Variants in CNTN4 observed in about 807,000 individuals in gnomAD.
CNTN4 encodes contactin 4, also known as contactin-4.
In CNTN4, 77 loss-of-function variants were observed where a neutral mutation model predicts 122.5. The observed-to-expected ratio is 0.63, with a 90% CI of 0.52 to 0.76. CNTN4 has a LOEUF of 0.76. CNTN4 is among the 30% of genes least tolerant of loss of function. CNTN4 has a pLI of 0.00. For synonymous variants in CNTN4, 512 were observed against 447.0 expected (o/e 1.15, Z -1.83); for missense variants, 1,256 against 1,259.1 (o/e 1.00, Z 0.04).
intron 13 of CNTN4, among the ~76,000 whole-genome samples, chr3:2,978,024 C>G (rs1293947431): frequency 1.3e-5 from 2 of 152,170 alleles, no homozygotes; most frequent in South Asian, 4.1e-4. Context: ...CCGCCAGAAG[C>G]TGGGAGTGAA....
chr3:2,390,614 T>G (rs1022291819), intron 3 of CNTN4, among the ~76,000 whole-genome samples: 1 of 152,204 alleles, frequency 6.6e-6, no homozygotes, highest in African/African-American at 2.4e-5. Context: ...GGTTCCACTT[T>G]TAGAATAACA....
chr3:2,655,435 C>G (rs1308698606), intron 4 of CNTN4, among the ~76,000 whole-genome samples: 1 of 152,136 alleles, frequency 6.6e-6, no homozygotes, highest in African/African-American at 2.4e-5. Context: ...GTGAAAGTTT[C>G]TCTGCTGTTC....
At chr3:2,352,326 T>G (rs1446630899) in intron 3 of CNTN4, among the ~76,000 whole-genome samples, 1 of 152,168 alleles carries the variant, frequency 6.6e-6, no homozygotes, top group Non-Finnish European at 1.5e-5. Context: ...GCCGCTGCAC[T>G]GTGGGAGCCC....
At chr3:2,137,086 A>C (rs911360659) in intron 2 of CNTN4, among the ~76,000 whole-genome samples, 2 of 152,188 alleles carry the variant, frequency 1.3e-5, no homozygotes, top group African/African-American at 2.4e-5. Flanking sequence ...AATCGTGTAG[A>C]TCACACTTTA....
chr3:2,638,480 A>G (rs1306242007), intron 4 of CNTN4, among the ~76,000 whole-genome samples: 1 of 152,000 alleles, frequency 6.6e-6, no homozygotes, highest in Non-Finnish European at 1.5e-5. Flanking sequence ...TCTGTAATGA[A>G]GAAACATTTA....
intron 12 of CNTN4, among the ~76,000 whole-genome samples, chr3:2,917,606 G>C (rs1294223353): frequency 5.3e-5 from 8 of 152,156 alleles, no homozygotes; most frequent in Non-Finnish European, 1.0e-4. Context: ...CTGTCTTGTA[G>C]TGGATGGAGT....
intron 3 of CNTN4, among the ~76,000 whole-genome samples, chr3:2,438,258 G>A (rs2048322442): frequency 6.6e-6 from 1 of 152,128 alleles, no homozygotes; most frequent in Non-Finnish European, 1.5e-5. Flanking sequence ...GGTTGCTCAC[G>A]CTAGTAATCC....
At chr3:2,101,399 C>T (rs1203540827) in intron 2 of CNTN4, among the ~76,000 whole-genome samples, 1 of 152,106 alleles carries the variant, frequency 6.6e-6, no homozygotes, top group Non-Finnish European at 1.5e-5. Context: ...CTTGTTGTTT[C>T]TTCTTTGTTA....
intron 3 of CNTN4, among the ~76,000 whole-genome samples, chr3:2,384,939 C>T (rs188408736): frequency 2.6e-4 from 40 of 151,860 alleles, no homozygotes; most frequent in African/African-American, 7.3e-4. Context: ...TTCATATAGC[C>T]CCTTCTACAG....
intron 3 of CNTN4, among the ~76,000 whole-genome samples, chr3:2,340,713 A>AGAGAGAGAGAGGGAGG (rs1400137067): frequency 1.6e-5 from 2 of 124,108 alleles, no homozygotes; most frequent in African/African-American, 3.1e-5. Context: ...ATATATATAG[A>AGAGAGAGAGAGGGAGG]GAGAGAGAGA....
intron 5 of CNTN4, among the ~76,000 whole-genome samples, chr3:2,743,243 T>C (rs2089562162): frequency 6.6e-6 from 1 of 152,102 alleles, no homozygotes; most frequent in South Asian, 2.1e-4. Context: ...GTAAGAGTTA[T>C]GGTCAAGACG....
rs537318638 is a variant in CNTN4 at position 2,493,719 on chromosome 3, A to T, written c.-88-77697A>T. Among the ~76,000 whole-genome samples, 6 of 152,184 alleles carry T rather than the reference A, an allele frequency of 3.9e-5. No homozygotes were observed. In the East Asian group the frequency reaches 1.2e-3, roughly 29 times the overall value. ...CCCAGATAAAATACTGTAATTGCTA[A>T]CACATTCACAACTAATACGGTCATG... On this transcript the variant is annotated intron_variant, in intron 3 of 24. Transcript: ENST00000418658.
chr3:2,216,545 A>C (rs1211838560), intron 2 of CNTN4, among the ~76,000 whole-genome samples: 1 of 152,202 alleles, frequency 6.6e-6, no homozygotes, highest in Non-Finnish European at 1.5e-5. Context: ...TAAAAGTTAA[A>C]CAAAAAAAGA....
At chr3:2,521,338 A>ACCCACCG (rs1311331248) in intron 3 of CNTN4, among the ~76,000 whole-genome samples, 1 of 83,328 alleles carries the variant, frequency 1.2e-5, no homozygotes, top group African/African-American at 5.3e-5. Flanking sequence ...GTGGACCTCT[A>ACCCACCG]CCCATCCCCC....
intron 4 of CNTN4, among the ~76,000 whole-genome samples, chr3:2,703,944 T>A (rs1296848382): frequency 2.0e-5 from 3 of 151,954 alleles, no homozygotes; most frequent in African/African-American, 4.8e-5. Flanking sequence ...CTCCATATAA[T>A]TATTAGGGAA....
chr3:2,364,433 C>A (rs2045290547), intron 3 of CNTN4, among the ~76,000 whole-genome samples: 1 of 152,030 alleles, frequency 6.6e-6, no homozygotes, highest in Non-Finnish European at 1.5e-5. Flanking sequence ...GTTGGCACAG[C>A]AGGGAGAAAG....
At chr3:2,622,808 A>G (rs913742592) in intron 4 of CNTN4, among the ~76,000 whole-genome samples, 1 of 152,210 alleles carries the variant, frequency 6.6e-6, no homozygotes, top group African/African-American at 2.4e-5. Flanking sequence ...ATTTCATGCA[A>G]GATCACGCAG....
chr3:2,513,547 A>T (rs955796616), intron 3 of CNTN4, among the ~76,000 whole-genome samples: 14 of 151,846 alleles, frequency 9.2e-5, no homozygotes, highest in African/African-American at 3.4e-4. Context: ...AGCAGAAACG[A>T]TTGCCTTCTG....
At chr3:2,827,198 C>T (rs946530966) in intron 7 of CNTN4, among the ~76,000 whole-genome samples, 24 of 152,208 alleles carry the variant, frequency 1.6e-4, no homozygotes, top group East Asian at 5.8e-4. Context: ...CAGCTTACTC[C>T]CTCTACTTTC....
Sources: gnomAD v4.1 joint callset for allele counts (sites outside exome capture counted in the v4.1 genomes callset) on GRCh38, gnomAD v4.1.1 for gene constraint, MANE v1.5 for transcripts, NCBI Gene and HGNC (gene_info 2026-07-23, HGNC 2026-07-21) for gene names.